Variants in SPATA9 observed in about 807,000 individuals in gnomAD.
SPATA9 encodes spermatogenesis associated 9.
A neutral mutation model predicts 25.5 loss-of-function variants in SPATA9; 27 were observed. The observed-to-expected ratio is 1.06, with a 90% CI of 0.78 to 1.46. The LOEUF (loss-of-function observed/expected upper bound fraction) is 1.46. Among genes scored for constraint, SPATA9 ranks in the 40% most tolerant of loss-of-function variants. The pLI is 0.00. For synonymous variants in SPATA9, 102 were observed against 105.7 expected, an observed-to-expected ratio of 0.97 and a Z score of 0.21; for missense variants, 282 against 297.5, an observed-to-expected ratio of 0.95 and a Z score of 0.38.
At chr5:95,686,236 T>C (rs189836088), upstream of SPATA9, among the ~76,000 whole-genome samples, 44 of 152,358 alleles carry the variant, frequency 2.9e-4, 1 homozygote, top group East Asian at 7.7e-3. Context: ...CCAACATTCA[T>C]TAAATGGTTG....
intron 1 of SPATA9, among the ~76,000 whole-genome samples, chr5:95,695,187 T>C (rs1302245565): frequency 1.3e-5 from 2 of 152,238 alleles, no homozygotes; most frequent in African/African-American, 4.8e-5. Context: ...TTTATGGTTA[T>C]GAATAATAAT....
At chr5:95,727,520 T>G in the SPATA9 span, among the ~76,000 whole-genome samples, 2 of 152,158 alleles carry the variant, frequency 1.3e-5, no homozygotes, top group Non-Finnish European at 2.9e-5. Flanking sequence ...TATGAAATGG[T>G]GGCATTTCAG....
intron 3 of SPATA9, among the ~76,000 whole-genome samples, chr5:95,665,297 C>G (rs1202205143): frequency 6.6e-6 from 1 of 152,146 alleles, no homozygotes; most frequent in Non-Finnish European, 1.5e-5. Flanking sequence ...AGTAGAACAC[C>G]AGAATTTATT....
At chr5:95,654,570 G>GT (rs1211769013), downstream of SPATA9, among the ~76,000 whole-genome samples, 1 of 152,132 alleles carries the variant, frequency 6.6e-6, no homozygotes, top group East Asian at 1.9e-4. Flanking sequence ...TTGCACGGAT[G>GT]TTTAAGTATT....
At chr5:95,670,641 C>G (rs1308111564) in intron 3 of SPATA9, 2 of 157,256 alleles carry the variant, frequency 1.3e-5, no homozygotes, top group Non-Finnish European at 2.8e-5. Flanking sequence ...AAAGCTCCAT[C>G]TGAGACAGGC....
intron 3 of SPATA9, among the ~76,000 whole-genome samples, chr5:95,675,028 A>G (rs1411834478): frequency 2.0e-5 from 3 of 152,244 alleles, no homozygotes; most frequent in Non-Finnish European, 4.4e-5. Context: ...ATTTGAATTT[A>G]TAGGTAAATA....
At chr5:95,679,174 T>C (rs1753204052) in intron 2 of SPATA9, among the ~76,000 whole-genome samples, 1 of 152,188 alleles carries the variant, frequency 6.6e-6, no homozygotes. Flanking sequence ...CCCCAGTTTC[T>C]CTGATTTCAG....
chr5:95,687,449 T>A (rs187073999), upstream of SPATA9, among the ~76,000 whole-genome samples: 368 of 152,346 alleles, frequency 2.4e-3, 1 homozygote, highest in Non-Finnish European at 3.3e-3. Flanking sequence ...TAGGGGAGTG[T>A]ATTCTTTAAA....
chr5:95,674,819 T>G, intron 3 of SPATA9: 1 of 456,422 alleles, frequency 2.2e-6, no homozygotes, highest in Non-Finnish European at 4.4e-6. Context: ...TAATTTGTCC[T>G]GCAGTTTAGA....
intron 1 of SPATA9, among the ~76,000 whole-genome samples, chr5:95,693,829 C>T (rs1470304664): frequency 6.6e-6 from 1 of 152,060 alleles, no homozygotes; most frequent in Non-Finnish European, 1.5e-5. Flanking sequence ...TAGAATCTTC[C>T]ATGTTGGAAA....
the SPATA9 span, among the ~76,000 whole-genome samples, chr5:95,722,890 A>C: frequency 6.6e-6 from 1 of 152,258 alleles, no homozygotes; most frequent in Non-Finnish European, 1.5e-5. Flanking sequence ...ACTAGTAGAA[A>C]CAGGGAGTTC....
the SPATA9 span, among the ~76,000 whole-genome samples, chr5:95,729,201 T>C: frequency 2.0e-5 from 3 of 152,228 alleles, no homozygotes; most frequent in Admixed American, 2.0e-4. Flanking sequence ...GCTTTCACTT[T>C]ATGGACTTGC....
the SPATA9 span, among the ~76,000 whole-genome samples, chr5:95,725,256 T>C: frequency 6.6e-6 from 1 of 152,222 alleles, no homozygotes; most frequent in Non-Finnish European, 1.5e-5. Context: ...ATCAACACCA[T>C]TGAATCTTAC....
chr5:95,688,888 C>A (rs1167484133), intron 1 of SPATA9, among the ~76,000 whole-genome samples: 2 of 152,154 alleles, frequency 1.3e-5, no homozygotes, highest in East Asian at 1.9e-4. Flanking sequence ...TTTTAAAAAC[C>A]TTCCTGAATG....
the SPATA9 span, among the ~76,000 whole-genome samples, chr5:95,709,812 G>C: frequency 1.3e-5 from 2 of 152,292 alleles, no homozygotes; most frequent in African/African-American, 4.8e-5. Flanking sequence ...TTCGGAGACA[G>C]TGGCCTGGGC....
downstream of SPATA9, chr5:95,655,332 T>C (rs1364351838): frequency 1.3e-5 from 2 of 152,206 alleles, no homozygotes; most frequent in East Asian, 3.8e-4. Flanking sequence ...CCCACTTACA[T>C]GTGTGAGCTG....
chr5:95,688,772 A>G (rs1290187132), intron 1 of SPATA9, among the ~76,000 whole-genome samples: 1 of 152,168 alleles, frequency 6.6e-6, no homozygotes, highest in African/African-American at 2.4e-5. Flanking sequence ...GGTACAATGT[A>G]CAATATTTGG....
chr5:95,706,691 T>C, the SPATA9 span, among the ~76,000 whole-genome samples: 1 of 146,248 alleles, frequency 6.8e-6, no homozygotes, highest in South Asian at 2.2e-4. Flanking sequence ...TTTAAGTAAA[T>C]TCTTAAATTA....
the SPATA9 span, chr5:95,731,588 A>G: frequency 6.4e-7 from 1 of 1,572,658 alleles, no homozygotes; most frequent in Non-Finnish European, 8.6e-7. Context: ...GCCGGGGATG[A>G]GCGGATTGCG....
Sources: gnomAD v4.1 joint callset for allele counts (sites outside exome capture counted in the v4.1 genomes callset) on GRCh38, gnomAD v4.1.1 for gene constraint, MANE v1.5 for transcripts, NCBI Gene and HGNC (gene_info 2026-07-23, HGNC 2026-07-21) for gene names.